ADAMTS17: variants seen among roughly 807,000 people sequenced by gnomAD.
ADAMTS17 encodes A disintegrin and metalloproteinase with thrombospondin motifs 17.
In ADAMTS17, 113 loss-of-function variants were observed where a neutral mutation model predicts 141.5. The observed-to-expected ratio is 0.80, with a 90% CI of 0.69 to 0.93. The LOEUF (loss-of-function observed/expected upper bound fraction) is 0.93, where lower values mean the gene tolerates loss of function less well. ADAMTS17 is among the 40% of genes least tolerant of loss of function. The pLI is 0.00. For missense variants in ADAMTS17, 1,659 were observed against 1,517.9 expected (o/e 1.09, Z -1.54); for synonymous variants, 768 against 630.6 (o/e 1.22, Z -3.27).
intron 10 of ADAMTS17, 102 bp downstream of exon 10, chr15:100,152,510 G>A (rs2039218245): frequency 6.7e-7 from 1 of 1,494,518 alleles, no homozygotes; most frequent in South Asian, 1.1e-5. Context: ...GTATGTGCCT[G>A]TGCTGAGTGT....
chr15:99,978,563 A>T (rs968976539), intron 20 of ADAMTS17: 1 of 152,248 alleles, frequency 6.6e-6, no homozygotes, highest in Non-Finnish European at 1.5e-5. Flanking sequence ...TTACACATGC[A>T]GATTTCAGGG....
intron 15 of ADAMTS17, among the ~76,000 whole-genome samples, chr15:100,090,197 G>T (rs763627243): frequency 2.0e-5 from 3 of 152,078 alleles, no homozygotes; most frequent in Non-Finnish European, 4.4e-5. Context: ...CAGGCATATG[G>T]AATCCAAGGC....
At chr15:100,055,797 T>C (rs1293921180) in intron 15 of ADAMTS17, among the ~76,000 whole-genome samples, 2 of 152,234 alleles carry the variant, frequency 1.3e-5, no homozygotes, top group African/African-American at 2.4e-5. Context: ...ATTCTCTAGG[T>C]TGGCTCTTTC....
chr15:100,249,504 G>C (rs1011736122), intron 7 of ADAMTS17, among the ~76,000 whole-genome samples: 1 of 152,214 alleles, frequency 6.6e-6, no homozygotes. Context: ...ACAGGACCCT[G>C]GGCTGTTGGG....
chr15:100,159,477 T>C (rs1402566301), intron 8 of ADAMTS17, among the ~76,000 whole-genome samples: 1 of 152,244 alleles, frequency 6.6e-6, no homozygotes, highest in Non-Finnish European at 1.5e-5. Flanking sequence ...ATCTTAAATT[T>C]GACTTAGGGT....
At chr15:100,169,346 G>C (rs908939639) in intron 8 of ADAMTS17, among the ~76,000 whole-genome samples, 3 of 152,230 alleles carry the variant, frequency 2.0e-5, no homozygotes, top group Non-Finnish European at 4.4e-5. Flanking sequence ...GATGCTGAGA[G>C]TGGGAACAAT....
intron 3 of ADAMTS17, among the ~76,000 whole-genome samples, chr15:100,288,100 T>A (rs1487609135): frequency 5.9e-5 from 9 of 152,236 alleles, no homozygotes; most frequent in African/African-American, 2.2e-4. Context: ...AACTGTATGC[T>A]GTCTTCAAGA....
chr15:100,003,819 G>T lies in ADAMTS17; in HGVS notation c.2592-6230C>A, dbSNP rs142926264. ...TTATGTGAGATCCCTGGAGCAGTCA[G>T]ATTTATAGAGACAAAGTAGAATGAT... On this transcript the variant is annotated intron_variant, in intron 18 of 21. Transcript: ENST00000268070. Among the ~76,000 whole-genome samples, 460 of 152,198 alleles carry T rather than the reference G, an allele frequency of 3.0e-3. 11 individuals are homozygous for T. The highest frequency in any genetic ancestry group is 0.01 in the African/African-American group (432 of 41,434).
chr15:100,272,973 TAATC>T (rs2043966092), intron 4 of ADAMTS17, among the ~76,000 whole-genome samples: 1 of 152,158 alleles, frequency 6.6e-6, no homozygotes, highest in Non-Finnish European at 1.5e-5. Context: ...TTCATTTTGT[TAATC>T]AAGTATATCA....
chr15:100,257,960 C>T (rs762314729), intron 6 of ADAMTS17, among the ~76,000 whole-genome samples: 5 of 152,198 alleles, frequency 3.3e-5, no homozygotes, highest in African/African-American at 7.2e-5. Context: ...TTTATCTCTA[C>T]GAATCTGACT....
chr15:100,105,423 T>C (rs77808164), intron 14 of ADAMTS17, among the ~76,000 whole-genome samples: 3,200 of 152,200 alleles, frequency 0.021, 112 homozygotes, highest in African/African-American at 0.07. Flanking sequence ...GCACTGGAAA[T>C]AGACAGGCTG....
intron 2 of ADAMTS17, among the ~76,000 whole-genome samples, chr15:100,337,858 C>G (rs2046253183): frequency 6.6e-6 from 1 of 152,250 alleles, no homozygotes; most frequent in African/African-American, 2.4e-5. Context: ...TCTCCGCTAT[C>G]CTGTCTACCT....
rs370730413 is a variant in ADAMTS17 at position 99,993,389 on chromosome 15, G to A, written c.2797-189C>T. Reference sequence around the variant, plus strand: ...CGTGGTCCCAGCTGGGGCCCCAGCCGAGTGGCCAGTGTTGTGGAAGGGACC... The same window carrying A: ...CGTGGTCCCAGCTGGGGCCCCAGCCAAGTGGCCAGTGTTGTGGAAGGGACC... On this transcript the variant is annotated intron_variant, in intron 19 of 21. Coordinates refer to ENST00000268070, the MANE Select transcript of ADAMTS17 (RefSeq NM_139057.4). This position sits in a 1 kb window ranked among gnomAD's most constrained non-coding sequence, Gnocchi z 4.3. 6.6e-6 allele frequency among the ~76,000 whole-genome samples: 1 copy of A among 152,178 alleles called. No homozygotes were observed. The highest frequency in any genetic ancestry group is 1.5e-5 in the Non-Finnish European group (1 of 68,036).
At chr15:100,252,561 G>T (rs557033851) in intron 7 of ADAMTS17, among the ~76,000 whole-genome samples, 1 of 152,326 alleles carries the variant, frequency 6.6e-6, no homozygotes, top group East Asian at 1.9e-4. Context: ...TGAACCCCAG[G>T]AAAGAGCAGC....
chr15:100,040,133 G>C (rs2031115229), intron 18 of ADAMTS17, among the ~76,000 whole-genome samples: 1 of 152,184 alleles, frequency 6.6e-6, no homozygotes, highest in Non-Finnish European at 1.5e-5. Context: ...ATTGCTGTAA[G>C]AGTCAGCCAG....
chr15:100,267,093 A>G, intron 4 of ADAMTS17, among the ~76,000 whole-genome samples: 1 of 152,044 alleles, frequency 6.6e-6, no homozygotes, highest in East Asian at 1.9e-4. Flanking sequence ...TGTACAATTA[A>G]CCTCCAGGAC....
rs1240514632 is a variant in ADAMTS17 at position 100,161,874 on chromosome 15, C to G, written c.1182-6554G>C. Among the ~76,000 whole-genome samples the G allele has an allele frequency of 2.0e-5, 3 of 152,240 alleles. No homozygotes were observed. The East Asian group carries it at 5.8e-4, about 29-fold the overall frequency. On this transcript the variant is annotated intron_variant, in intron 8 of 21. Transcript: ENST00000268070. ...TAGGCAGCAATAGCATCAAAAGCCTCTCACTGCGGAGAAGGTATTTGTTTG... is the reference window on the plus strand; with the variant it reads ...TAGGCAGCAATAGCATCAAAAGCCTGTCACTGCGGAGAAGGTATTTGTTTG...
chr15:100,047,378 C>A (rs756916148), intron 18 of ADAMTS17, among the ~76,000 whole-genome samples: 1 of 149,200 alleles, frequency 6.7e-6, no homozygotes, highest in Non-Finnish European at 1.5e-5. Flanking sequence ...ACACCCTATT[C>A]ACACACTCCC....
At chr15:100,140,131 G>A (rs2038550687) in intron 10 of ADAMTS17, among the ~76,000 whole-genome samples, 1 of 152,078 alleles carries the variant, frequency 6.6e-6, no homozygotes, top group South Asian at 2.1e-4. Context: ...AAGTAGCTGG[G>A]ACTACAGGCA....
Sources: gnomAD v4.1 joint callset for allele counts (sites outside exome capture counted in the v4.1 genomes callset) on GRCh38, gnomAD v4.1.1 for gene constraint, Gnocchi (gnomAD v3.1) non-coding constraint, MANE v1.5 for transcripts, NCBI Gene and HGNC (gene_info 2026-07-23, HGNC 2026-07-21) for gene names.